ST6GALNAC5: variants seen among roughly 807,000 people sequenced by gnomAD.
ST6GALNAC5 encodes the protein alpha-N-acetylgalactosaminide alpha-2,6-sialyltransferase 5.
In ST6GALNAC5, 27 loss-of-function variants were observed where a neutral mutation model predicts 33.6. The ratio of observed to expected loss-of-function variants is 0.80; its 90% CI spans 0.59 to 1.11. ST6GALNAC5 has a LOEUF of 1.11. ST6GALNAC5 is among the 50% of genes least tolerant of loss of function. The probability of loss-of-function intolerance (pLI) is 0.00; values close to 1 mark genes in which losing one functional copy is unlikely to be tolerated. For missense variants in ST6GALNAC5, 428 were observed against 454.0 expected, an observed-to-expected ratio of 0.94 and a Z score of 0.52; for synonymous variants, 194 against 171.2, an observed-to-expected ratio of 1.13 and a Z score of -1.04.
Position 76,868,085 on chromosome 1 carries a change from TGCAAGGATC to T in ST6GALNAC5, c.16-402_16-394del, listed in dbSNP as rs1170469647. On this transcript the variant is annotated intron_variant, in intron 1 of 4. Transcript: ENST00000477717. This position sits in a 1 kb window ranked among gnomAD's most constrained non-coding sequence, Gnocchi z 4.3. ...TCTTCGTTTTCTTAGATTTCAAACT[TGCAAGGATC>T]GCAAGGATCCAGGGCCCCAGGAAAG... Among the ~76,000 whole-genome samples, 2 of 152,128 alleles carry T rather than the reference TGCAAGGATC, an allele frequency of 1.3e-5. No homozygotes were observed. The highest frequency in any genetic ancestry group is 4.8e-5 in the African/African-American group (2 of 41,434).
At chr1:76,970,426 C>T (rs762639584) in intron 2 of ST6GALNAC5, among the ~76,000 whole-genome samples, 16 of 151,436 alleles carry the variant, frequency 1.1e-4, no homozygotes, top group Admixed American at 4.0e-4. Flanking sequence ...CTTCAATAGC[C>T]GATCCAATCA....
At chr1:76,938,901 A>T (rs903495242) in intron 2 of ST6GALNAC5, among the ~76,000 whole-genome samples, 7 of 152,156 alleles carry the variant, frequency 4.6e-5, no homozygotes, top group African/African-American at 1.7e-4. Context: ...TTAATTATTT[A>T]CGTTTAATTA....
In ST6GALNAC5 at chr1:76,911,098, C is replaced by T. The variant is rs1646906937; in HGVS notation, c.261+42356C>T. ...CAGGCTGATACTGCTAAGATTTTAA[C>T]ACATTTATAAAACTTCCCATCAATA... On this transcript the variant is annotated intron_variant, in intron 2 of 4. Coordinates refer to ENST00000477717, the MANE Select transcript of ST6GALNAC5 (RefSeq NM_030965.3). 3.3e-5 allele frequency among the ~76,000 whole-genome samples: 5 copies of T among 152,064 alleles called. No homozygotes were observed. The South Asian group carries it at 1.0e-3, about 31-fold the overall frequency.
chr1:77,016,429 T>G (rs1650856270), intron 2 of ST6GALNAC5, among the ~76,000 whole-genome samples: 1 of 151,996 alleles, frequency 6.6e-6, no homozygotes, highest in Non-Finnish European at 1.5e-5. Flanking sequence ...TGTGTGCTAT[T>G]TTGAAATTTT....
At chr1:77,030,307 C>T (rs985084726) in intron 2 of ST6GALNAC5, among the ~76,000 whole-genome samples, 2 of 152,248 alleles carry the variant, frequency 1.3e-5, no homozygotes, top group Non-Finnish European at 2.9e-5. Context: ...AGCACTGACA[C>T]TAGCTGTGCT....
At chr1:76,967,423 A>G (rs1102454) in intron 2 of ST6GALNAC5, among the ~76,000 whole-genome samples, 145,099 of 152,232 alleles carry the variant, frequency 0.95, 69,183 homozygotes, top group East Asian at 1. Context: ...CTGCGGGATC[A>G]GTGGTGACAT....
intron 2 of ST6GALNAC5, among the ~76,000 whole-genome samples, chr1:76,925,842 C>T (rs1647080668): frequency 6.6e-6 from 1 of 152,108 alleles, no homozygotes; most frequent in Non-Finnish European, 1.5e-5. Flanking sequence ...TAAAAGGTAA[C>T]TAGTGATAAA....
intron 2 of ST6GALNAC5, among the ~76,000 whole-genome samples, chr1:77,003,390 C>T (rs1397534212): frequency 1.3e-5 from 2 of 148,830 alleles, no homozygotes; most frequent in Admixed American, 1.4e-4. Context: ...TGTGTCTCTG[C>T]ACGTGAGATG....
intron 2 of ST6GALNAC5, among the ~76,000 whole-genome samples, chr1:76,881,818 T>G (rs77453446): frequency 6.6e-6 from 1 of 152,220 alleles, no homozygotes; most frequent in South Asian, 2.1e-4. Context: ...TATCTTCTTG[T>G]ACTAATCAGA....
intron 2 of ST6GALNAC5, among the ~76,000 whole-genome samples, chr1:76,914,846 C>A (rs2100287344): frequency 6.6e-6 from 1 of 152,312 alleles, no homozygotes; most frequent in African/African-American, 2.4e-5. Flanking sequence ...CAAATGGGAT[C>A]TAATTAAACT....
intron 2 of ST6GALNAC5, among the ~76,000 whole-genome samples, chr1:76,928,650 C>A (rs1647108273): frequency 6.6e-6 from 1 of 152,014 alleles, no homozygotes; most frequent in Admixed American, 6.6e-5. Context: ...GAGAAGGGTG[C>A]CTTATTTTGC....
intron 2 of ST6GALNAC5, among the ~76,000 whole-genome samples, chr1:76,897,035 G>A (rs1244301224): frequency 6.6e-6 from 1 of 152,092 alleles, no homozygotes; most frequent in Admixed American, 6.5e-5. Context: ...GACACGATCA[G>A]TAGGGAGAGC....
At chr1:77,054,874 C>A (rs1416066129) in intron 4 of ST6GALNAC5, among the ~76,000 whole-genome samples, 5 of 152,112 alleles carry the variant, frequency 3.3e-5, no homozygotes, top group African/African-American at 4.8e-5. Flanking sequence ...AGAAAGATAG[C>A]ATTGCATTCA....
rs1208884542 is a variant in ST6GALNAC5 at position 77,067,037 on chromosome 1, G to A, written c.*3831G>A. Reference sequence around the variant, plus strand: ...TGGTTTGCCCAGGGCCAAGTGGGGAGTGAAGAAGAGGGGTCCCCAAGACAC... The same window carrying A: ...TGGTTTGCCCAGGGCCAAGTGGGGAATGAAGAAGAGGGGTCCCCAAGACAC... On this transcript the variant is annotated 3_prime_UTR_variant, in exon 5 of 5. Transcript: ENST00000477717. Among the ~76,000 whole-genome samples, 1 of 152,230 alleles carries A rather than the reference G, an allele frequency of 6.6e-6. No individual in the cohort carries two copies. The highest frequency in any genetic ancestry group is 1.5e-5 in the Non-Finnish European group (1 of 68,044).
chr1:76,910,424 G>A (rs1037433050), intron 2 of ST6GALNAC5, among the ~76,000 whole-genome samples: 7 of 151,786 alleles, frequency 4.6e-5, no homozygotes, highest in Non-Finnish European at 8.8e-5. Flanking sequence ...GTAATTTCAG[G>A]GGAAAGCGTT....
chr1:77,011,451 A>C (rs1157401655), intron 2 of ST6GALNAC5, among the ~76,000 whole-genome samples: 1 of 152,202 alleles, frequency 6.6e-6, no homozygotes, highest in Admixed American at 6.5e-5. Context: ...TATGTAGCCC[A>C]GTTATTTTTG....
intron 2 of ST6GALNAC5, among the ~76,000 whole-genome samples, chr1:76,876,714 C>T (rs1032912875): frequency 4.6e-5 from 7 of 152,196 alleles, no homozygotes; most frequent in African/African-American, 7.2e-5. Flanking sequence ...CTGCCCACTG[C>T]GAAGATTTCC....
chr1:77,016,705 C>T (rs574976770), intron 2 of ST6GALNAC5, among the ~76,000 whole-genome samples: 1 of 152,278 alleles, frequency 6.6e-6, no homozygotes, highest in East Asian at 1.9e-4. Context: ...CTGGGATGCA[C>T]ACCCTTTTAA....
intron 2 of ST6GALNAC5, among the ~76,000 whole-genome samples, chr1:77,024,797 T>C (rs1399943042): frequency 6.6e-6 from 1 of 152,228 alleles, no homozygotes; most frequent in East Asian, 1.9e-4. Context: ...TCCACAGTCC[T>C]GCTCTGGAGC....
Sources: allele counts gnomAD v4.1 joint callset (sites outside exome capture counted in the v4.1 genomes callset), GRCh38; gene constraint gnomAD v4.1.1; non-coding constraint Gnocchi (gnomAD v3.1); transcripts MANE v1.5; gene names NCBI Gene and HGNC (gene_info 2026-07-23, HGNC 2026-07-21).